The following BABAM2 variants were observed in gnomAD, a reference collection of about 807,000 sequenced individuals.
The protein encoded by BABAM2 is BRISC and BRCA1 A complex member 2.
Under a neutral mutation model 54.7 loss-of-function variants are expected in BABAM2, and 31 were observed. That is an observed-to-expected ratio of 0.57 (90% CI 0.43 to 0.77). The LOEUF is 0.77. BABAM2 is among the 30% of genes least tolerant of loss of function. The pLI is 0.00. For missense variants in BABAM2, 364 were observed against 455.8 expected, an observed-to-expected ratio of 0.80 and a Z score of 1.83; for synonymous variants, 167 against 162.9, an observed-to-expected ratio of 1.03 and a Z score of -0.19.
chr2:27,890,041 G>A (rs1453649859), upstream of BABAM2: 1 of 524,670 alleles, frequency 1.9e-6, no homozygotes, highest in Non-Finnish European at 3.4e-6. The surrounding 1 kb of genome is among the most constrained non-coding windows in gnomAD (Gnocchi z 4.8). Flanking sequence ...ACTAAACCCT[G>A]GCCTATTACG....
At chr2:28,082,084 G>A (rs1259519712) in intron 6 of BABAM2, among the ~76,000 whole-genome samples, 2 of 151,186 alleles carry the variant, frequency 1.3e-5, no homozygotes, top group Non-Finnish European at 3.0e-5. Flanking sequence ...AAGATTTCAT[G>A]ATGTGACAGT....
rs1490427592 is a variant in BABAM2, at chr2:28,325,254, C to T, written c.1089-13196C>T. Among the ~76,000 whole-genome samples the T allele has an allele frequency of 5.9e-5, 9 of 152,146 alleles. No individual in the cohort carries two copies. The highest frequency in any genetic ancestry group is 1.3e-4 in the Non-Finnish European group (9 of 68,012). ...CCTTTCTGTAACGGAAGCCTGGGGC[C>T]GCAGGGCTACCTGCTGTCAGCATGT... On this transcript the variant is annotated intron_variant, in intron 11 of 11. Transcript: ENST00000379624. This position sits in a 1 kb window ranked among gnomAD's most constrained non-coding sequence, Gnocchi z 4.3.
chr2:27,994,494 G>T (rs1672995791), intron 4 of BABAM2, among the ~76,000 whole-genome samples: 1 of 152,152 alleles, frequency 6.6e-6, no homozygotes, highest in Non-Finnish European at 1.5e-5. Flanking sequence ...CCTTGCCTCA[G>T]AGTAAACACT....
At chr2:28,138,315 A>G (rs1441258337) in intron 7 of BABAM2, among the ~76,000 whole-genome samples, 5 of 152,190 alleles carry the variant, frequency 3.3e-5, no homozygotes, top group Non-Finnish European at 5.9e-5. Flanking sequence ...ACACCTAGAC[A>G]TATCGTAAGG....
chr2:28,113,656 A>C (rs978223192), intron 6 of BABAM2, among the ~76,000 whole-genome samples: 2 of 152,064 alleles, frequency 1.3e-5, no homozygotes, highest in African/African-American at 4.8e-5. Flanking sequence ...TCCATATGAA[A>C]TTTAAGGTAG....
At position 28,322,238 on chromosome 2, in the gene BABAM2, C is replaced by A. The variant is rs557795361; in HGVS notation, c.1089-16212C>A. ...GGAGCTTCCAGCTGCCCCTACCATT[C>A]GGTGCACAAGTGTCCCTGAACTTCG... On this transcript the variant is annotated intron_variant, in intron 11 of 11. Coordinates refer to ENST00000379624, the MANE Select transcript of BABAM2 (RefSeq NM_199191.3). The surrounding 1 kb of genome is among the most constrained non-coding windows in gnomAD (Gnocchi z 4.1). Among the ~76,000 whole-genome samples, 1 of 152,120 alleles carries A rather than the reference C, an allele frequency of 6.6e-6. No individual in the cohort carries two copies. The highest frequency in any genetic ancestry group is 6.5e-5 in the Admixed American group (1 of 15,288).
At chr2:28,196,171 C>T (rs1371494879) in intron 7 of BABAM2, among the ~76,000 whole-genome samples, 2 of 151,772 alleles carry the variant, frequency 1.3e-5, no homozygotes, top group East Asian at 3.9e-4. Flanking sequence ...ACTAAAAATA[C>T]AAAAAATTAG....
At chr2:28,326,116 T>A (rs1558532852) in intron 11 of BABAM2, among the ~76,000 whole-genome samples, 1 of 152,346 alleles carries the variant, frequency 6.6e-6, no homozygotes, top group East Asian at 1.9e-4. Flanking sequence ...CACTTCCTCT[T>A]TCAGGGTCAC....
upstream of BABAM2, chr2:27,890,202 G>T: frequency 6.5e-7 from 1 of 1,548,606 alleles, no homozygotes; most frequent in Non-Finnish European, 8.9e-7. This position sits in a 1 kb window ranked among gnomAD's most constrained non-coding sequence, Gnocchi z 4.8. Flanking sequence ...GGCGCATAGC[G>T]CACGGCACGC....
intron 6 of BABAM2, among the ~76,000 whole-genome samples, chr2:28,091,307 A>G (rs1048202419): frequency 1.2e-4 from 18 of 152,246 alleles, no homozygotes; most frequent in Non-Finnish European, 4.4e-5. Flanking sequence ...ATACATAGGT[A>G]TTAGCATCTC....
intron 7 of BABAM2, among the ~76,000 whole-genome samples, chr2:28,165,552 T>TTGGTA (rs35820119): frequency 6.9e-6 from 1 of 145,126 alleles, no homozygotes; most frequent in African/African-American, 2.6e-5. Context: ...TTTTTTTTTT[T>TTGGTA]GAGACAGAGC....
chr2:27,917,398 A>G (rs1202449837), intron 2 of BABAM2, among the ~76,000 whole-genome samples: 6 of 152,166 alleles, frequency 3.9e-5, no homozygotes, highest in African/African-American at 1.4e-4. Flanking sequence ...GTAATTTATA[A>G]ACAGCAGAAG....
At chr2:28,301,131 A>G (rs1688068692) in intron 11 of BABAM2, among the ~76,000 whole-genome samples, 1 of 152,184 alleles carries the variant, frequency 6.6e-6, no homozygotes, top group Admixed American at 6.5e-5. Flanking sequence ...AAAATACTGT[A>G]CGTACACAGT....
chr2:28,043,898 T>C (rs1677342014), intron 5 of BABAM2, among the ~76,000 whole-genome samples: 1 of 152,216 alleles, frequency 6.6e-6, no homozygotes, highest in Admixed American at 6.5e-5. Flanking sequence ...CGTTCAATAC[T>C]GAGAATAGCT....
chr2:27,974,052 A>AG (rs1671412792), intron 3 of BABAM2, among the ~76,000 whole-genome samples: 1 of 151,634 alleles, frequency 6.6e-6, no homozygotes, highest in African/African-American at 2.4e-5. Flanking sequence ...ATTTATAGTT[A>AG]AAAAAAAATC....
intron 6 of BABAM2, among the ~76,000 whole-genome samples, chr2:28,112,150 C>CTTTCTTTCTTTCT (rs1558346816): frequency 5.3e-4 from 1 of 1,878 alleles, no homozygotes; most frequent in African/African-American, 2.1e-3. Flanking sequence ...TCTTTCTTTA[C>CTTTCTTTCTTTCT]CTCCCTCCCT....
intron 11 of BABAM2, among the ~76,000 whole-genome samples, chr2:28,330,950 G>A (rs140936276): frequency 9.9e-4 from 150 of 152,110 alleles, no homozygotes; most frequent in African/African-American, 3.3e-3. Context: ...TAACCAAAAC[G>A]GCATGGTACT....
chr2:27,894,386 G>C, intron 1 of BABAM2, 147 bp from the exon 2 acceptor site: 1 of 762,860 alleles, frequency 1.3e-6, no homozygotes, highest in South Asian at 1.8e-5. Context: ...TCTTCTGGAG[G>C]ATCATTGGAA....
intron 7 of BABAM2, among the ~76,000 whole-genome samples, chr2:28,204,188 A>G (rs943524797): frequency 8.5e-5 from 13 of 152,064 alleles, no homozygotes; most frequent in African/African-American, 1.2e-4. Flanking sequence ...TCTTTTCCCT[A>G]TAAGTTACCA....
Sources: gnomAD v4.1 joint callset for allele counts (sites outside exome capture counted in the v4.1 genomes callset) on GRCh38, gnomAD v4.1.1 for gene constraint, Gnocchi (gnomAD v3.1) non-coding constraint, MANE v1.5 for transcripts, NCBI Gene and HGNC (gene_info 2026-07-23, HGNC 2026-07-21) for gene names.